The following APBA3 variants were observed in gnomAD, a reference collection of about 807,000 sequenced individuals.
The protein encoded by APBA3 is amyloid-beta A4 precursor protein-binding family A member 3.
Under a neutral mutation model 55.9 loss-of-function variants are expected in APBA3, and 45 were observed. The observed-to-expected ratio is 0.80, with a 90% CI of 0.63 to 1.03. APBA3 has a LOEUF of 1.03. Ranked by LOEUF, APBA3 falls within the 50% of genes least tolerant of loss-of-function variation. The pLI, the probability that APBA3 is intolerant of heterozygous loss-of-function variation, is 0.00. For missense variants in APBA3, 865 were observed against 820.3 expected (o/e 1.05, Z -0.67); for synonymous variants, 370 against 353.3 (o/e 1.05, Z -0.53).
chr19:3,754,181 G>A lies in APBA3; in HGVS notation c.762+14C>T, dbSNP rs1263020656. 3.1e-5 allele frequency: 48 copies of A among 1,541,928 alleles called. No homozygotes were observed. Among genetic ancestry groups the A allele is most frequent in the Admixed American group, 1.8e-4 (9 of 49,712 alleles). On this transcript the variant is annotated intron_variant, in intron 4 of 10. Coordinates refer to ENST00000316757, the MANE Select transcript of APBA3 (RefSeq NM_004886.4). ...CCCACCCGCCTGCCCGCCCGGCCCC[G>A]GCCGCCCCCTCACCTTGACGCGGTC...
Position 3,759,976 on chromosome 19 carries a change from C to T in APBA3, c.289G>A (p.Ala97Thr), listed in dbSNP as rs748632970. 5 of 1,610,396 alleles carry T rather than the reference C, an allele frequency of 3.1e-6. No homozygotes were observed. Among genetic ancestry groups the T allele is most frequent in the Non-Finnish European group, 4.2e-6 (5 of 1,179,170 alleles). Reference sequence around the variant, plus strand: ...GCAGACAGGAGCCCGTGGGCATCAGCAATCTCCTGGGAGGCCAGGCCATGG... The same window carrying T: ...GCAGACAGGAGCCCGTGGGCATCAGTAATCTCCTGGGAGGCCAGGCCATGG... The part of the protein sequence containing the change: ...TGHGLASQEI[A>T]DAHGLLSAEA... Residue 97 changes from alanine (A) to threonine (T), a missense_variant, in exon 2 of 11, where the codon GCT becomes ACT. Transcript: ENST00000316757.
At chr19:3,751,410 C>G in intron 9 of APBA3, 24 bp downstream of exon 9, 1 of 1,517,084 alleles carries the variant, frequency 6.6e-7, no homozygotes, top group Non-Finnish European at 8.8e-7. Context: ...CCCCCCACCC[C>G]GGGGCCAGGG....
At position 3,752,569 on chromosome 19, in the gene APBA3, G is replaced by A. The variant is rs1177393447; in HGVS notation, c.1334C>T (p.Thr445Ile). 2 of 1,588,510 alleles carry A rather than the reference G, an allele frequency of 1.3e-6. No homozygotes were observed. The highest frequency in any genetic ancestry group is 2.3e-5 in the East Asian group (1 of 44,064). ...CACCAGGCTGGTCCCGTTGATGGCGGTCAGGCGGTCCCCGATGCTGAGGGC... is the reference window on the plus strand; with the variant it reads ...CACCAGGCTGGTCCCGTTGATGGCGATCAGGCGGTCCCCGATGCTGAGGGC... ...SGALSIGDRL[T>I]AINGTSLVGL... The change falls in exon 8 of 11, where the codon ACC (threonine) becomes ATC (isoleucine). Residue 445 changes from threonine (T) to isoleucine (I), a missense_variant. Coordinates refer to ENST00000316757, the MANE Select transcript of APBA3 (RefSeq NM_004886.4).
At chr19:3,753,218 G>A (rs1371824864) in intron 6 of APBA3, 8 of 593,478 alleles carry the variant, frequency 1.3e-5, no homozygotes, top group Middle Eastern at 8.9e-4. Context: ...GGGACGATGA[G>A]GGAGGCAGCT....
At chr19:3,761,271 C>T (rs1286565296) in intron 1 of APBA3, among the ~76,000 whole-genome samples, 1 of 151,986 alleles carries the variant, frequency 6.6e-6, no homozygotes, top group Non-Finnish European at 1.5e-5. Context: ...CCCCAAGACC[C>T]CAGACCCAAG....
chr19:3,753,325 C>T (rs8105031), intron 6 of APBA3: 55,145 of 430,134 alleles, frequency 0.13, 4,379 homozygotes, highest in South Asian at 0.24. Context: ...GGCAAGGTTT[C>T]GGGGAGTCGG....
At chr19:3,753,275 G>A (rs913418316) in intron 6 of APBA3, 2 of 502,414 alleles carry the variant, frequency 4.0e-6, no homozygotes, top group Admixed American at 3.6e-5. Context: ...CCAGCCAGGG[G>A]GCCTGGGGCC....
Position 3,752,639 on chromosome 19 carries a change from C to CG in APBA3, c.1263dup (p.Val422ArgfsTer12). On this transcript the variant is annotated frameshift_variant, in exon 8 of 11. Transcript: ENST00000316757. LOFTEE classifies it high-confidence loss of function. ...CCCCCGTGCAGCAGGTTGGCGATGA[C>CG]GGCTGTGGGCAGCAGGGAGCCCCAG... The CG allele has an allele frequency of 6.3e-7, 1 of 1,588,804 alleles. No homozygotes were observed. The highest frequency in any genetic ancestry group is 8.5e-7 in the Non-Finnish European group (1 of 1,173,386).
rs2036991813 is a variant in APBA3, at chr19:3,751,095, CACCTGGGGAGTGGAGGCGGA to C, written c.1657-18_1658del. On this transcript the variant is annotated splice_acceptor_variant and splice_polypyrimidine_tract_variant and coding_sequence_variant and intron_variant, in exon 11 of 11. Transcript: ENST00000316757. LOFTEE classifies it high-confidence loss of function. ...TGGCAGCTGGCATCGTCTTGATATG[CACCTGGGGAGTGGAGGCGGA>C]ACGGGGCTCAGGGCAGGCCTGGGCT... 6.4e-7 allele frequency: 1 copy of C among 1,567,414 alleles called. No homozygotes were observed. Among genetic ancestry groups the C allele is most frequent in the African/African-American group, 1.4e-5 (1 of 73,932 alleles).
chr19:3,750,997 G>A lies in APBA3; in HGVS notation c.*29C>T. On this transcript the variant is annotated 3_prime_UTR_variant, in exon 11 of 11. Transcript: ENST00000316757. Reference sequence around the variant, plus strand: ...GGGGCTCCGGGGCCATGGAGGCGAAGGCACAGTGGCAGGCAAGGGATGAGG... The same window carrying A: ...GGGGCTCCGGGGCCATGGAGGCGAAAGCACAGTGGCAGGCAAGGGATGAGG... 6.4e-7 allele frequency: 1 copy of A among 1,552,942 alleles called. No individual in the cohort carries two copies. The highest frequency in any genetic ancestry group is 8.7e-7 in the Non-Finnish European group (1 of 1,147,068).
rs918903097 is a variant in APBA3 at position 3,754,530 on chromosome 19, T to C, written c.617-190A>G. 38 of 688,136 alleles carry C rather than the reference T, an allele frequency of 5.5e-5. No individual in the cohort carries two copies. In the Middle Eastern group the frequency reaches 1.2e-3, roughly 23 times the overall value. 42.6% of individuals were successfully genotyped at this position (688,136 alleles called of 1,614,324 possible). Reference sequence around the variant, plus strand: ...CCTGGCCCTCACAGGTCTAGAACCTTCTGTCCATCCCTCAAGGACTCGCAG... The same window carrying C: ...CCTGGCCCTCACAGGTCTAGAACCTCCTGTCCATCCCTCAAGGACTCGCAG... On this transcript the variant is annotated intron_variant, in intron 3 of 10. Coordinates refer to ENST00000316757, the MANE Select transcript of APBA3 (RefSeq NM_004886.4).
At chr19:3,753,718 C>A (rs2037038611) in intron 6 of APBA3, 47 bp downstream of exon 6, 10 of 1,444,928 alleles carry the variant, frequency 6.9e-6, no homozygotes, top group Non-Finnish European at 8.2e-6. Flanking sequence ...GCGACAGTTG[C>A]AGTGAGGAGG....
rs1002415769 is a variant in APBA3 at position 3,753,091 on chromosome 19, G to C, written c.1012-101C>G. On this transcript the variant is annotated intron_variant, in intron 6 of 10. Coordinates refer to ENST00000316757, the MANE Select transcript of APBA3 (RefSeq NM_004886.4). ...GAGCTGAGCCCTCCTGTCCCCACCT[G>C]GGGTGAGAGTCCCAGGACACAGCCT... 3 of 1,359,326 alleles carry C rather than the reference G, an allele frequency of 2.2e-6. No individual in the cohort carries two copies. The African/African-American group carries it at 4.3e-5, about 20-fold the overall frequency. 84.2% of individuals were successfully genotyped at this position (1,359,326 alleles called of 1,614,324 possible). A position where few individuals can be genotyped will look rare whatever the true frequency, so the allele number is the denominator to read the frequency against.
intron 1 of APBA3, among the ~76,000 whole-genome samples, chr19:3,761,106 T>C (rs144885259): frequency 7.9e-5 from 12 of 152,192 alleles, no homozygotes; most frequent in Non-Finnish European, 1.3e-4. Flanking sequence ...AGGCAGTGGC[T>C]TCCCGAGCCC....
chr19:3,760,228 G>A lies in APBA3; in HGVS notation c.37C>T (p.Pro13Ser), dbSNP rs1599178142. The change falls in exon 2 of 11, where the codon CCT becomes TCT. Residue 13 changes from proline to serine, a missense_variant. Pro to Ser is a moderately conservative substitution (Grantham distance 74). Coordinates refer to ENST00000316757, the MANE Select transcript of APBA3 (RefSeq NM_004886.4). ...GGCCCCTCCAAGTCCATGGCTGGAG[G>A]CCCCGAAGGGGATCGGGAAATTGTG... is the stretch of plus-strand genomic sequence containing the variant. ...FPTISRSPSGPPAMDLEGPRD... is the reference protein window; with the variant it reads ...FPTISRSPSGSPAMDLEGPRD... 6.2e-7 allele frequency: 1 copy of A among 1,607,884 alleles called. No homozygotes were observed. Among genetic ancestry groups the A allele is most frequent in the Non-Finnish European group, 8.5e-7 (1 of 1,179,292 alleles).
chr19:3,753,082 T>A, intron 6 of APBA3, 92 bp from the exon 7 acceptor site: 1 of 1,447,506 alleles, frequency 6.9e-7, no homozygotes, highest in Non-Finnish European at 9.3e-7. Context: ...AGCCCTCCTG[T>A]CCCCACCTGG....
At position 3,752,647 on chromosome 19, in the gene APBA3, G is replaced by A. The variant is rs200356857; in HGVS notation, c.1256C>T (p.Pro419Leu). ...CAGCAGGTTGGCGATGACGGCTGTGGGCAGCAGGGAGCCCCAGCCCGACTC... is the reference window on the plus strand; with the variant it reads ...CAGCAGGTTGGCGATGACGGCTGTGAGCAGCAGGGAGCCCCAGCCCGACTC... ...LVESGWGSLLPTAVIANLLHG... is the reference protein window; with the variant it reads ...LVESGWGSLLLTAVIANLLHG... Residue 419 changes from proline (P) to leucine (L), a missense_variant, in exon 8 of 11, where the codon CCC (proline) becomes CTC (leucine). Coordinates refer to ENST00000316757, the MANE Select transcript of APBA3 (RefSeq NM_004886.4). 112 of 1,590,064 alleles carry A rather than the reference G, an allele frequency of 7.0e-5. No homozygotes were observed. The Middle Eastern group carries it at 1.7e-3, about 24-fold the overall frequency.
rs142650185 is a variant in APBA3 at position 3,754,039 on chromosome 19, C to T, written c.829G>A (p.Val277Ile). The change falls in exon 5 of 11, where the codon GTC becomes ATC. Residue 277 changes from valine (V) to isoleucine (I), a missense_variant. Transcript: ENST00000316757. ...CGTACCTGGGAGTCCGCTGTCAAGA[C>T]CTTGATCCTCTTGGTGGAGACGAAC... ...DLFVSTKRIK[V>I]LTADSQEAMM... is the part of the protein sequence containing the mutation. 2 of 1,610,880 alleles carry T rather than the reference C, an allele frequency of 1.2e-6. No individual in the cohort carries two copies. Among genetic ancestry groups the T allele is most frequent in the Admixed American group, 1.7e-5 (1 of 59,698 alleles).
chr19:3,753,904 A>G lies in APBA3; in HGVS notation c.872T>C (p.Leu291Pro). ...GTCGGCTGTGTAGGAGATGGTATGC[A>G]GGGCGTGGTCCATCATGGCCTCCTG... Reference protein sequence around the residue: ...DSQEAMMDHALHTISYTADIG... With the variant: ...DSQEAMMDHAPHTISYTADIG... Residue 291 changes from leucine (L) to proline (P), a missense_variant, in exon 6 of 11, where the codon CTG becomes CCG. Leu to Pro is a moderately conservative substitution (Grantham distance 98). Coordinates refer to ENST00000316757, the MANE Select transcript of APBA3 (RefSeq NM_004886.4). 1.3e-6 allele frequency: 2 copies of G among 1,556,186 alleles called. No homozygotes were observed. The highest frequency in any genetic ancestry group is 1.7e-6 in the Non-Finnish European group (2 of 1,149,314).
Sources: gnomAD v4.1 joint callset for allele counts (sites outside exome capture counted in the v4.1 genomes callset) on GRCh38, gnomAD v4.1.1 for gene constraint, MANE v1.5 for transcripts, NCBI Gene and HGNC (gene_info 2026-07-23, HGNC 2026-07-21) for gene names.